PRDX1: variants seen among roughly 807,000 people sequenced by gnomAD.
PRDX1 encodes peroxiredoxin 1.
A neutral mutation model predicts 20.7 loss-of-function variants in PRDX1; 19 were observed. That is an observed-to-expected ratio of 0.92 (90% CI 0.64 to 1.35). PRDX1 has a LOEUF of 1.35. Ranked by LOEUF, PRDX1 falls within the 40% of genes most tolerant of loss-of-function variation. The pLI is 0.00. For missense variants in PRDX1, 226 were observed against 240.0 expected, an observed-to-expected ratio of 0.94 and a Z score of 0.38; for synonymous variants, 89 against 83.9, an observed-to-expected ratio of 1.06 and a Z score of -0.33.
At chr1:45,512,073 T>TC (rs965558644) in intron 5 of PRDX1, 1 of 114,262 alleles carries the variant, frequency 8.8e-6, no homozygotes, top group Non-Finnish European at 1.7e-5. Flanking sequence ...ATTTTTCTTT[T>TC]TTTTTTTTTT....
rs1182536065 is a variant in PRDX1 at position 45,515,752 on chromosome 1, C to T, written c.162G>A (p.Thr54=). Residue 54 remains threonine (T), a synonymous_variant, in exon 3 of 6, where the codon ACG becomes ACA. Coordinates refer to ENST00000319248, the MANE Select transcript of PRDX1 (RefSeq NM_181697.3). The part of the protein sequence containing the change: ...YPLDFTFVCP[T]EIIAFSDRAE... ...CCCTATCACTGAAAGCAATGATCTC[C>T]GTGGGGCACACAAAGGTGAAGTCAA... 8 of 1,600,750 alleles carry T rather than the reference C, an allele frequency of 5.0e-6. No individual in the cohort carries two copies. The highest frequency in any genetic ancestry group is 2.3e-5 in the East Asian group (1 of 44,218).
chr1:45,513,553 AAAG>A (rs1238896224), intron 5 of PRDX1, among the ~76,000 whole-genome samples: 5 of 152,166 alleles, frequency 3.3e-5, no homozygotes, highest in African/African-American at 4.8e-5. Context: ...CTCTGTGTAG[AAAG>A]AAGTAGACAG....
intron 1 of PRDX1, among the ~76,000 whole-genome samples, chr1:45,520,580 C>T (rs1016933558): frequency 6.6e-6 from 1 of 151,810 alleles, no homozygotes; most frequent in Non-Finnish European, 1.5e-5. Context: ...AAAAATTAGC[C>T]GGGGGTGGTG....
In PRDX1 at chr1:45,511,155, A is replaced by G; in HGVS notation, c.*174T>C. The G allele has an allele frequency of 1.7e-6, 1 of 582,870 alleles. No individual in the cohort carries two copies. Among genetic ancestry groups the G allele is most frequent in the Non-Finnish European group, 3.0e-6 (1 of 333,132 alleles). The allele number at this position is 582,870 out of a possible 1,614,324, so 36.1% of individuals were successfully genotyped here. Reference sequence around the variant, plus strand: ...CACAACGCCAACTCAGGCCATTCCTACCAAAGGAAGAAAGGCTGGTCTCTC... The same window carrying G: ...CACAACGCCAACTCAGGCCATTCCTGCCAAAGGAAGAAAGGCTGGTCTCTC... On this transcript the variant is annotated 3_prime_UTR_variant, in exon 6 of 6. Coordinates refer to ENST00000319248, the MANE Select transcript of PRDX1 (RefSeq NM_181697.3).
chr1:45,520,229 GCAAGAC>G (rs34181355), intron 1 of PRDX1, among the ~76,000 whole-genome samples: 7,549 of 144,778 alleles, frequency 0.052, 762 homozygotes, highest in African/African-American at 0.19. Context: ...AAAAAAAGAG[GCAAGAC>G]CAAGATATTG....
intron 1 of PRDX1, among the ~76,000 whole-genome samples, chr1:45,520,307 ATTTGTG>A (rs61038473): frequency 0.73 from 110,994 of 151,368 alleles, 41,110 homozygotes; most frequent in East Asian, 0.92. Context: ...TCCCTTCACC[ATTTGTG>A]AAGGTGGGTT....
At chr1:45,519,210 A>G (rs1643887466) in intron 1 of PRDX1, among the ~76,000 whole-genome samples, 156 bp from the exon 2 acceptor site, 1 of 152,254 alleles carries the variant, frequency 6.6e-6, no homozygotes, top group Non-Finnish European at 1.5e-5. Flanking sequence ...TCCAGCCAGC[A>G]GTCAAGGGTC....
upstream of PRDX1, among the ~76,000 whole-genome samples, chr1:45,522,550 C>A (rs1643923432): frequency 6.6e-6 from 1 of 152,126 alleles, no homozygotes; most frequent in South Asian, 2.1e-4. Context: ...ATTAGCCAGA[C>A]CCACACGGTA....
In PRDX1 at chr1:45,514,526, G is replaced by A; in HGVS notation, c.495C>T (p.Phe165=). 1 of 1,614,122 alleles carries A rather than the reference G, an allele frequency of 6.2e-7. No homozygotes were observed. Residue 165 remains phenylalanine (F), a synonymous_variant, in exon 5 of 6, where the codon TTC becomes TTT. Coordinates refer to ENST00000319248, the MANE Select transcript of PRDX1 (RefSeq NM_181697.3). ...GCTTACCTTCCCCATGTTTGTCAGTGAACTGGAAGGCCTGAACTAGTCTCA... is the reference window on the plus strand; with the variant it reads ...GCTTACCTTCCCCATGTTTGTCAGTAAACTGGAAGGCCTGAACTAGTCTCA... ...ETLRLVQAFQ[F]TDKHGEVCPA...
rs1008173418 is a variant in PRDX1 at position 45,513,963 on chromosome 1, C to T, written c.514+544G>A. On this transcript the variant is annotated intron_variant, in intron 5 of 5. Transcript: ENST00000319248. ...GGAGGATTAGTAAAAGAGGAAGGAA[C>T]GCCTCTTTGCAGTTGAGACAAGAGG... is the stretch of plus-strand genomic sequence containing the variant. Among the ~76,000 whole-genome samples, 5 of 152,124 alleles carry T rather than the reference C, an allele frequency of 3.3e-5. No individual in the cohort carries two copies. The South Asian group carries it at 6.2e-4, about 19-fold the overall frequency.
At chr1:45,518,278 C>T (rs1643878435) in intron 2 of PRDX1, among the ~76,000 whole-genome samples, 1 of 151,786 alleles carries the variant, frequency 6.6e-6, no homozygotes, top group African/African-American at 2.4e-5. Context: ...GCCTGACCAC[C>T]ATGGAGAAAC....
At chr1:45,516,997 T>C (rs1643867508) in intron 2 of PRDX1, among the ~76,000 whole-genome samples, 1 of 138,742 alleles carries the variant, frequency 7.2e-6, no homozygotes, top group African/African-American at 2.8e-5. Flanking sequence ...CTACAGCCTG[T>C]GCGACAAGAT....
intron 1 of PRDX1, among the ~76,000 whole-genome samples, chr1:45,520,994 T>A (rs1643907091): frequency 6.6e-6 from 1 of 152,212 alleles, no homozygotes; most frequent in African/African-American, 2.4e-5. Context: ...GCAAAAGAAA[T>A]TTTGTAAGCA....
rs77248181 is a variant in PRDX1 at position 45,516,992 on chromosome 1, G to C, written c.107-1185C>G. On this transcript the variant is annotated intron_variant, in intron 2 of 5. Transcript: ENST00000319248. The stretch of plus-strand genomic sequence containing the variant: ...CCTGAGATCATGCCACTGCACTACA[G>C]CCTGTGCGACAAGATCAAAATTCCA... 5.5e-4 allele frequency among the ~76,000 whole-genome samples: 80 copies of C among 145,300 alleles called. No homozygotes were observed. In the East Asian group the frequency reaches 0.013, roughly 23 times the overall value.
intron 5 of PRDX1, chr1:45,513,224 T>A (rs1203866863): frequency 2.6e-5 from 4 of 152,236 alleles, no homozygotes; most frequent in African/African-American, 9.6e-5. Context: ...TGGCATGCTT[T>A]ATCTCTAGAG....
intron 5 of PRDX1, 42 bp downstream of exon 5, chr1:45,514,465 A>AT: frequency 6.2e-7 from 1 of 1,611,626 alleles, no homozygotes; most frequent in East Asian, 2.2e-5. Flanking sequence ...CCACCCCTTC[A>AT]TACCACCACT....
Position 45,515,637 on chromosome 1 carries a change from T to C in PRDX1, c.260+17A>G. 1.7e-6 allele frequency: 2 copies of C among 1,184,450 alleles called. No individual in the cohort carries two copies. The highest frequency in any genetic ancestry group is 2.3e-6 in the Non-Finnish European group (2 of 876,104). 73.4% of individuals were successfully genotyped at this position (1,184,450 alleles called of 1,614,324 possible). On this transcript the variant is annotated intron_variant, in intron 3 of 5. Transcript: ENST00000319248. ...AAAAAAAAAAAGTTCACATGCCAAA[T>C]AGACCAAGAGATTTACCATGCTAGA...
At chr1:45,516,538 T>C (rs1284840317) in intron 2 of PRDX1, among the ~76,000 whole-genome samples, 1 of 152,066 alleles carries the variant, frequency 6.6e-6, no homozygotes, top group African/African-American at 2.4e-5. Context: ...AAGACAAAAG[T>C]ACTAGTGAGT....
rs983602201 is a variant in PRDX1 at position 45,521,840 on chromosome 1, C to T, written c.-23G>A. ...CTGCCCACACTCACCAGTCCCAACA[C>T]AAGTCGCAGAAACTAACCACCGACA... On this transcript the variant is annotated 5_prime_UTR_variant, in exon 1 of 6. It adds an upstream start codon to the 5' untranslated region. Transcript: ENST00000319248. 1.3e-5 allele frequency: 2 copies of T among 152,868 alleles called. No individual in the cohort carries two copies. The highest frequency in any genetic ancestry group is 6.5e-5 in the Admixed American group (1 of 15,294). The allele number at this position is 152,868 out of a possible 1,614,324, so 9.5% of individuals were successfully genotyped here.
Sources: allele counts gnomAD v4.1 joint callset (sites outside exome capture counted in the v4.1 genomes callset), GRCh38; gene constraint gnomAD v4.1.1; transcripts MANE v1.5; gene names NCBI Gene and HGNC (gene_info 2026-07-23, HGNC 2026-07-21).